Variants in INPP5E observed in about 807,000 individuals in gnomAD.
INPP5E encodes phosphatidylinositol polyphosphate 5-phosphatase type IV.
INPP5E carries 34 observed loss-of-function variants against 50.5 expected under a neutral mutation model. The ratio of observed to expected loss-of-function variants is 0.67; its 90% CI spans 0.51 to 0.90. The LOEUF is 0.90. Among genes scored for constraint, INPP5E ranks in the 40% least tolerant of loss-of-function variants. The pLI, the probability that INPP5E is intolerant of heterozygous loss-of-function variation, is 0.00. For synonymous variants in INPP5E, 447 were observed against 406.0 expected (o/e 1.10, Z -1.21); for missense variants, 942 against 905.5 (o/e 1.04, Z -0.52).
chr9:136,435,894 T>C (rs1340853333), intron 1 of INPP5E: 1 of 152,192 alleles, frequency 6.6e-6, no homozygotes, highest in Non-Finnish European at 1.5e-5. Flanking sequence ...TTTGACTTTT[T>C]CCAACCATTT....
At position 136,438,694 on chromosome 9, in the gene INPP5E, G is replaced by A. The variant is rs766781844; in HGVS notation, c.726C>T (p.Pro242=). 6.2e-7 allele frequency: 1 copy of A among 1,600,594 alleles called. No homozygotes were observed. The highest frequency in any genetic ancestry group is 1.3e-5 in the African/African-American group (1 of 74,858). The change falls in exon 1 of 10, where the codon CCC becomes CCT. Residue 242 remains proline, a synonymous_variant. Coordinates refer to ENST00000371712, the MANE Select transcript of INPP5E (RefSeq NM_019892.6). The stretch of plus-strand genomic sequence containing the variant: ...GAAGGGAACAGTCGTCGCAGGCCAG[G>A]GGGCTCCGCGGCCGGCCGGGGCCCA... ...SSLGPGRPRS[P]LACDDCSLRS...
intron 6 of INPP5E, 90 bp downstream of exon 6, chr9:136,432,389 A>T: frequency 1.2e-6 from 1 of 838,032 alleles, no homozygotes; most frequent in Admixed American, 2.0e-5. Context: ...AAAGCTCAGG[A>T]CGCTGCCTCT....
At position 136,430,272 on chromosome 9, in the gene INPP5E, C is replaced by T; in HGVS notation, c.1802+5G>A. On this transcript the variant is annotated splice_donor_5th_base_variant and intron_variant, in intron 9 of 9. Coordinates refer to ENST00000371712, the MANE Select transcript of INPP5E (RefSeq NM_019892.6). Reference sequence around the variant, plus strand: ...AAGGGGGAAGGTGAGCGGGAGAACACTGACTTGTCTCGCCCCGGCCTCACT... The same window carrying T: ...AAGGGGGAAGGTGAGCGGGAGAACATTGACTTGTCTCGCCCCGGCCTCACT... 12 of 1,551,324 alleles carry T rather than the reference C, an allele frequency of 7.7e-6. No homozygotes were observed. Among genetic ancestry groups the T allele is most frequent in the Non-Finnish European group, 9.6e-6 (11 of 1,146,984 alleles).
At chr9:136,429,898 A>G (rs574332963) in intron 9 of INPP5E, 91 bp from the exon 10 acceptor site, 2 of 938,542 alleles carry the variant, frequency 2.1e-6, no homozygotes, top group Non-Finnish European at 1.7e-6. Flanking sequence ...GGGGCATTTA[A>G]GAGGACACCC....
intron 7 of INPP5E, 25 bp from the exon 8 acceptor site, chr9:136,431,142 T>C: frequency 1.3e-6 from 2 of 1,516,578 alleles, no homozygotes; most frequent in Non-Finnish European, 1.8e-6. Context: ...GCACTCGGAC[T>C]GGCTCAGACC....
rs1195255984 is a variant in INPP5E at position 136,439,392 on chromosome 9, G to C, written c.28C>G (p.Pro10Ala). 4 of 1,465,242 alleles carry C rather than the reference G, an allele frequency of 2.7e-6. No homozygotes were observed. Among genetic ancestry groups the C allele is most frequent in the Non-Finnish European group, 3.6e-6 (4 of 1,114,762 alleles). 90.8% of individuals were successfully genotyped at this position (1,465,242 alleles called of 1,614,324 possible). A position where few individuals can be genotyped will look rare whatever the true frequency, so the allele number is the denominator to read the frequency against. Reference sequence around the variant, plus strand: ...GGCGGCTGCGGGGCCGGCTCGGAGGGCCGCAGATTCTCCGCCTTGGACGGC... The same window carrying C: ...GGCGGCTGCGGGGCCGGCTCGGAGGCCCGCAGATTCTCCGCCTTGGACGGC... MPSKAENLR[P>A]SEPAPQPPEG... The change falls in exon 1 of 10, where the codon CCC becomes GCC. Residue 10 changes from proline to alanine, a missense_variant. Pro to Ala is a conservative substitution (Grantham distance 27). Transcript: ENST00000371712.
At chr9:136,430,158 C>T in intron 9 of INPP5E, 119 bp downstream of exon 9, 1 of 1,322,654 alleles carries the variant, frequency 7.6e-7, no homozygotes, top group South Asian at 1.3e-5. Flanking sequence ...GAACACAGCC[C>T]TGAAGGTCCC....
intron 2 of INPP5E, 42 bp downstream of exon 2, chr9:136,434,698 C>G: frequency 6.3e-7 from 1 of 1,578,022 alleles, no homozygotes; most frequent in Non-Finnish European, 8.6e-7. Context: ...TGTCCAGCAC[C>G]ACCCCACCCT....
Position 136,430,276 on chromosome 9 carries a change from C to T in INPP5E, c.1802+1G>A, listed in dbSNP as rs1290873873. On this transcript the variant is annotated splice_donor_variant, in intron 9 of 9. Transcript: ENST00000371712. LOFTEE classifies it high-confidence loss of function. ...GGGAAGGTGAGCGGGAGAACACTGA[C>T]TTGTCTCGCCCCGGCCTCACTTTCA... The T allele has an allele frequency of 1.3e-6, 2 of 1,551,246 alleles. No homozygotes were observed. The highest frequency in any genetic ancestry group is 1.7e-6 in the Non-Finnish European group (2 of 1,146,996).
chr9:136,434,653 A>G (rs564199559), intron 2 of INPP5E, 87 bp downstream of exon 2: 5 of 1,507,526 alleles, frequency 3.3e-6, no homozygotes, highest in Non-Finnish European at 4.5e-6. Context: ...CCCCAGGATG[A>G]GGCACAGAGC....
rs1482778014 is a variant in INPP5E, at chr9:136,429,317, T to TG, written c.*357dup. 1.3e-5 allele frequency: 5 copies of TG among 397,562 alleles called. No homozygotes were observed. The highest frequency in any genetic ancestry group is 7.2e-5 in the Admixed American group (2 of 27,652). The allele number at this position is 397,562 out of a possible 1,614,324, so 24.6% of individuals were successfully genotyped here. On this transcript the variant is annotated 3_prime_UTR_variant, in exon 10 of 10. Transcript: ENST00000371712. ...AGGCTGGTGCAGAGCACGGGGGTGT[T>TG]GGGGGGCTCTGTGACTGCCCCCAGG...
chr9:136,428,947 G>A lies in INPP5E; in HGVS notation c.*728C>T, dbSNP rs956305705. The stretch of plus-strand genomic sequence containing the variant: ...AAGACCATGAGACGGTTTCAAAAAT[G>A]GTCTACGTCACCAAGACCATGAGAT... On this transcript the variant is annotated 3_prime_UTR_variant, in exon 10 of 10. Coordinates refer to ENST00000371712, the MANE Select transcript of INPP5E (RefSeq NM_019892.6). 1 of 151,668 alleles carries A rather than the reference G, an allele frequency of 6.6e-6. No individual in the cohort carries two copies. Among genetic ancestry groups the A allele is most frequent in the Non-Finnish European group, 1.5e-5 (1 of 68,412 alleles). The allele number at this position is 151,668 out of a possible 1,614,324, so 9.4% of individuals were successfully genotyped here. A position where few individuals can be genotyped will look rare whatever the true frequency, so the allele number is the denominator to read the frequency against.
chr9:136,430,472 G>T (rs1835675168), intron 8 of INPP5E, 59 bp from the exon 9 acceptor site: 1 of 1,543,372 alleles, frequency 6.5e-7, no homozygotes, highest in Non-Finnish European at 8.8e-7. Flanking sequence ...GTGGGGCGTG[G>T]CCCGCTCACC....
Position 136,429,788 on chromosome 9 carries a change from T to C in INPP5E, c.1822A>G (p.Lys608Glu), listed in dbSNP as rs1251363265. ...GRDNIPLAAG[K>E]FDRELYLLGI... ...AGTAAGTACAGTTCTCTATCAAATT[T>C]GCCAGCTGCCAACGGAATGCTGTGG... Residue 608 changes from lysine (K) to glutamate (E), a missense_variant, in exon 10 of 10, where the codon AAA (lysine) becomes GAA (glutamate). Lys to Glu is a moderately conservative substitution (Grantham distance 56). Coordinates refer to ENST00000371712, the MANE Select transcript of INPP5E (RefSeq NM_019892.6). 1 of 1,612,034 alleles carries C rather than the reference T, an allele frequency of 6.2e-7. No individual in the cohort carries two copies. Among genetic ancestry groups the C allele is most frequent in the Non-Finnish European group, 8.5e-7 (1 of 1,179,628 alleles).
chr9:136,438,472 G>A, intron 1 of INPP5E, 136 bp downstream of exon 1: 2 of 794,142 alleles, frequency 2.5e-6, no homozygotes. Flanking sequence ...AGATGGGGTG[G>A]CTGCGGGAGA....
At position 136,429,642 on chromosome 9, in the gene INPP5E, A is replaced by G. The variant is rs756074325; in HGVS notation, c.*33T>C. The G allele has an allele frequency of 6.2e-6, 10 of 1,612,830 alleles. No individual in the cohort carries two copies. The South Asian group carries it at 1.1e-4, about 18-fold the overall frequency. On this transcript the variant is annotated 3_prime_UTR_variant, in exon 10 of 10. Transcript: ENST00000371712. Reference sequence around the variant, plus strand: ...GGGTTTTGATCAATACAATCACCCCACGTTGCAGCTGTGAGTCCTCGTTCA... The same window carrying G: ...GGGTTTTGATCAATACAATCACCCCGCGTTGCAGCTGTGAGTCCTCGTTCA...
intron 3 of INPP5E, 76 bp from the exon 4 acceptor site, chr9:136,433,355 C>G: frequency 6.7e-7 from 1 of 1,501,546 alleles, no homozygotes; most frequent in Non-Finnish European, 8.9e-7. Context: ...CTGCCCAGAG[C>G]CCCTCGAGGA....
intron 1 of INPP5E, chr9:136,435,833 G>C (rs1835817352): frequency 6.6e-6 from 1 of 152,208 alleles, no homozygotes; most frequent in African/African-American, 2.4e-5. Flanking sequence ...TACAGACACT[G>C]AAATCTGAAT....
chr9:136,434,162 G>A (rs530057194), intron 2 of INPP5E, 28 bp from the exon 3 acceptor site: 15 of 1,536,284 alleles, frequency 9.8e-6, no homozygotes, highest in Middle Eastern at 3.4e-4. Context: ...GTGGTGGGCC[G>A]GCTCCTCCCG....
Sources: allele counts gnomAD v4.1 joint callset, GRCh38; gene constraint gnomAD v4.1.1; transcripts MANE v1.5; gene names NCBI Gene and HGNC (gene_info 2026-07-23, HGNC 2026-07-21).